The following CDH13 variants were observed in gnomAD, a reference collection of about 807,000 sequenced individuals.
The protein encoded by CDH13 is cadherin-13.
In CDH13, 24 loss-of-function variants were observed where a neutral mutation model predicts 63.8. The observed-to-expected ratio is 0.38, with a 90% CI of 0.27 to 0.53. CDH13 has a LOEUF of 0.53. Among genes scored for constraint, CDH13 ranks in the 20% least tolerant of loss-of-function variants. CDH13 has a pLI of 0.85. For synonymous variants in CDH13, 503 were observed against 355.3 expected (o/e 1.42, Z -4.67); for missense variants, 1,049 against 903.1 (o/e 1.16, Z -2.07).
intron 2 of CDH13, among the ~76,000 whole-genome samples, chr16:82,901,594 T>G (rs1000139075): frequency 2.6e-5 from 4 of 152,120 alleles, no homozygotes; most frequent in African/African-American, 9.7e-5. Context: ...GCATGTTGCT[T>G]GGGGTATAAT....
intron 1 of CDH13, among the ~76,000 whole-genome samples, chr16:82,639,841 T>C (rs1567580024): frequency 6.6e-6 from 1 of 152,258 alleles, no homozygotes; most frequent in Non-Finnish European, 1.5e-5. Context: ...CCTCCAATCC[T>C]GTTCTGGTGG....
chr16:82,636,551 A>G (rs985036249), intron 1 of CDH13, among the ~76,000 whole-genome samples: 16 of 152,214 alleles, frequency 1.1e-4, no homozygotes, highest in Admixed American at 3.3e-4. Context: ...CACTGGAAAT[A>G]TGTCTTACAT....
At chr16:83,737,778 C>T (rs1911676940) in intron 10 of CDH13, among the ~76,000 whole-genome samples, 1 of 152,298 alleles carries the variant, frequency 6.6e-6, no homozygotes, top group Non-Finnish European at 1.5e-5. Flanking sequence ...CAAACAAATG[C>T]CCAACCCTCG....
intron 4 of CDH13, among the ~76,000 whole-genome samples, chr16:83,176,921 C>G (rs868525225): frequency 6.6e-6 from 1 of 152,072 alleles, no homozygotes; most frequent in African/African-American, 2.4e-5. Flanking sequence ...AGGTCCCAAA[C>G]TATGAGCAGG....
chr16:82,755,283 T>C (rs900428945), intron 1 of CDH13, among the ~76,000 whole-genome samples: 3 of 152,134 alleles, frequency 2.0e-5, no homozygotes, highest in African/African-American at 4.8e-5. Flanking sequence ...TGATGGCTCA[T>C]GGGGACAGAA....
Position 83,647,033 on chromosome 16 carries a change from A to G in CDH13, c.1102-23757A>G, listed in dbSNP as rs373129052. 9.9e-5 allele frequency among the ~76,000 whole-genome samples: 15 copies of G among 151,946 alleles called. 1 individual carries two copies. In the South Asian group the frequency reaches 2.9e-3, roughly 30 times the overall value. ...GTCTTAAATTACAGTAACATCGGCC[A>G]GGCGCGGTGGCTCACGCCTGTAATC... is the stretch of plus-strand genomic sequence containing the variant. On this transcript the variant is annotated intron_variant, in intron 8 of 13. Coordinates refer to ENST00000567109, the MANE Select transcript of CDH13 (RefSeq NM_001257.5).
At chr16:83,262,756 C>G (rs1396600709) in intron 5 of CDH13, among the ~76,000 whole-genome samples, 1 of 152,154 alleles carries the variant, frequency 6.6e-6, no homozygotes, top group East Asian at 1.9e-4. Flanking sequence ...TAACTTGTAA[C>G]AAAAATACCA....
At chr16:83,611,222 T>C (rs75605764) in intron 8 of CDH13, among the ~76,000 whole-genome samples, 2,543 of 152,272 alleles carry the variant, frequency 0.017, 76 homozygotes, top group African/African-American at 0.058. Context: ...CAATTTTTTT[T>C]TTACACTCTG....
rs146837904 is a variant in CDH13 at position 83,017,467 on chromosome 16, A to G, written c.158-14543A>G. 8.4e-3 allele frequency among the ~76,000 whole-genome samples: 1,280 copies of G among 152,298 alleles called. 13 individuals carry two copies. Among genetic ancestry groups the G allele is most frequent in the African/African-American group, 0.029 (1,208 of 41,556 alleles). On this transcript the variant is annotated intron_variant, in intron 2 of 13. Coordinates refer to ENST00000567109, the MANE Select transcript of CDH13 (RefSeq NM_001257.5). Reference sequence around the variant, plus strand: ...TCCCAAGGACCTGGAACTGGATTCTATATTAGTTGTAAAAAGCAATCCAGC... The same window carrying G: ...TCCCAAGGACCTGGAACTGGATTCTGTATTAGTTGTAAAAAGCAATCCAGC...
chr16:83,065,321 G>C (rs1194127400), intron 3 of CDH13, among the ~76,000 whole-genome samples: 1 of 152,148 alleles, frequency 6.6e-6, no homozygotes, highest in African/African-American at 2.4e-5. Flanking sequence ...GAAGTGAGTT[G>C]ATCAGCTATG....
chr16:82,850,206 C>G (rs2039426340), intron 1 of CDH13, among the ~76,000 whole-genome samples: 1 of 145,734 alleles, frequency 6.9e-6, no homozygotes, highest in Non-Finnish European at 1.5e-5. Context: ...TAGATGCCCA[C>G]TAAGAACATT....
intron 5 of CDH13, among the ~76,000 whole-genome samples, chr16:83,329,448 G>A (rs2090436346): frequency 6.6e-6 from 1 of 151,506 alleles, no homozygotes; most frequent in Non-Finnish European, 1.5e-5. Flanking sequence ...TGTTGGCGAG[G>A]CTGGTCTCGA....
intron 4 of CDH13, among the ~76,000 whole-genome samples, chr16:83,177,453 G>A (rs1425600589): frequency 6.6e-6 from 1 of 152,194 alleles, no homozygotes; most frequent in Non-Finnish European, 1.5e-5. Context: ...AGCTATGATA[G>A]ATCATGGCAT....
At chr16:82,839,562 C>T (rs1244948526) in intron 1 of CDH13, among the ~76,000 whole-genome samples, 1 of 152,154 alleles carries the variant, frequency 6.6e-6, no homozygotes, top group Non-Finnish European at 1.5e-5. Context: ...CTCCCTTGGC[C>T]CTGCTCCAAT....
intron 5 of CDH13, among the ~76,000 whole-genome samples, chr16:83,219,800 G>C (rs890213764): frequency 6.6e-6 from 1 of 152,170 alleles, no homozygotes; most frequent in African/African-American, 2.4e-5. Flanking sequence ...ACGCTTCAAG[G>C]TGTTCGGAGG....
intron 2 of CDH13, among the ~76,000 whole-genome samples, chr16:82,894,951 A>G (rs990387546): frequency 2.6e-5 from 4 of 152,144 alleles, no homozygotes; most frequent in Non-Finnish European, 5.9e-5. Flanking sequence ...AGGTGGGGAC[A>G]CAGAGGTAGG....
intron 1 of CDH13, among the ~76,000 whole-genome samples, chr16:82,780,572 T>C (rs1261157084): frequency 2.0e-5 from 3 of 152,236 alleles, no homozygotes; most frequent in Non-Finnish European, 4.4e-5. Flanking sequence ...TTTCATCTTA[T>C]CCCATTTAAT....
At chr16:83,755,695 C>G (rs1484602121) in intron 11 of CDH13, among the ~76,000 whole-genome samples, 2 of 151,024 alleles carry the variant, frequency 1.3e-5, no homozygotes, top group Non-Finnish European at 2.9e-5. Context: ...ACCTAGAATT[C>G]TTTAGTTCTC....
intron 4 of CDH13, among the ~76,000 whole-genome samples, chr16:83,216,306 G>C (rs1283218410): frequency 6.8e-6 from 1 of 147,910 alleles, no homozygotes. Context: ...CTCTTTCATA[G>C]CTTTGGCCAT....
Sources: gnomAD v4.1 joint callset for allele counts (sites outside exome capture counted in the v4.1 genomes callset) on GRCh38, gnomAD v4.1.1 for gene constraint, MANE v1.5 for transcripts, NCBI Gene and HGNC (gene_info 2026-07-23, HGNC 2026-07-21) for gene names.